The following EIF3CL variants were observed in gnomAD, a reference collection of about 807,000 sequenced individuals.
The protein encoded by EIF3CL is eukaryotic translation initiation factor 3 subunit C like.
For synonymous variants in EIF3CL, 2 were observed against 19.6 expected, an observed-to-expected ratio of 0.10 and a Z score of 2.37; for missense variants, 5 against 56.1, an observed-to-expected ratio of 0.09 and a Z score of 2.91.
chr16:28,415,074 A>G, the EIF3CL span: 1 of 349,446 alleles, frequency 2.9e-6, no homozygotes, highest in East Asian at 9.2e-5. Flanking sequence ...CCCTTTTCAG[A>G]AAACAAAAAT....
At chr16:28,416,521 G>A in the EIF3CL span, among the ~76,000 whole-genome samples, 80 of 20,976 alleles carry the variant, frequency 3.8e-3, 2 homozygotes, top group African/African-American at 0.015. Context: ...TGTGAGGAGC[G>A]CCTCTGCCCG....
intron 15 of EIF3CL, among the ~76,000 whole-genome samples, chr16:28,384,028 G>A (rs1368798731): frequency 1.1e-3 from 6 of 5,236 alleles, no homozygotes; most frequent in African/African-American, 2.2e-3. Flanking sequence ...AAAAATAAAC[G>A]CAGTGATCCT....
chr16:28,414,807 C>A, the EIF3CL span: 1 of 470,836 alleles, frequency 2.1e-6, no homozygotes, highest in South Asian at 1.6e-5. Context: ...CGAGTTCCCC[C>A]TGAGGAACTC....
chr16:28,422,843 AAAAAG>A, the EIF3CL span, among the ~76,000 whole-genome samples: 1 of 120,776 alleles, frequency 8.3e-6, no homozygotes, highest in Non-Finnish European at 1.8e-5. Context: ...TCTCAAACAA[AAAAAG>A]AAAAGAAAAG....
At chr16:28,417,376 G>C in the EIF3CL span, among the ~76,000 whole-genome samples, 4 of 135,840 alleles carry the variant, frequency 2.9e-5, no homozygotes, top group African/African-American at 8.2e-5. Flanking sequence ...GAATAGAAAG[G>C]CGGGAAAGGT....
At chr16:28,424,034 C>T in the EIF3CL span, among the ~76,000 whole-genome samples, 3 of 147,180 alleles carry the variant, frequency 2.0e-5, no homozygotes, top group East Asian at 4.2e-4. Context: ...GTTGCCCAGG[C>T]TGGAGTGCAG....
chr16:28,408,441 G>A (rs1168925076), upstream of EIF3CL, among the ~76,000 whole-genome samples: 44 of 13,148 alleles, frequency 3.3e-3, no homozygotes, highest in African/African-American at 0.011. Context: ...AGTTCATGTG[G>A]GCGTACGTAT....
the EIF3CL span, among the ~76,000 whole-genome samples, chr16:28,417,018 G>T: frequency 1.3e-5 from 1 of 78,634 alleles, no homozygotes; most frequent in Non-Finnish European, 2.7e-5. Flanking sequence ...GAGGTGGGGG[G>T]GGTCAGCCCC....
the EIF3CL span, among the ~76,000 whole-genome samples, chr16:28,416,766 GCC>G: frequency 1.9e-5 from 2 of 103,788 alleles, no homozygotes; most frequent in African/African-American, 3.5e-5. Flanking sequence ...GGGGGGGTCA[GCC>G]CCCCCACCCG....
the EIF3CL span, among the ~76,000 whole-genome samples, chr16:28,417,867 G>A: frequency 1.2e-4 from 13 of 112,904 alleles, no homozygotes; most frequent in Middle Eastern, 5.1e-3. Flanking sequence ...TGCACTTTAG[G>A]AATGCAAAAA....
the EIF3CL span, among the ~76,000 whole-genome samples, chr16:28,419,033 G>T: frequency 6.9e-6 from 1 of 144,556 alleles, no homozygotes; most frequent in Non-Finnish European, 1.5e-5. Flanking sequence ...TTGAGACAGA[G>T]TCTCCCTCTG....
chr16:28,383,991 C>A (rs920536632), intron 15 of EIF3CL, among the ~76,000 whole-genome samples: 1 of 3,964 alleles, frequency 2.5e-4, no homozygotes, highest in African/African-American at 4.2e-4. Context: ...ATGCAGGCAT[C>A]TGGGGAAAGA....
intron 2 of EIF3CL, among the ~76,000 whole-genome samples, chr16:28,402,539 CA>C (rs201314131): frequency 0.02 from 2,377 of 116,842 alleles, 525 homozygotes; most frequent in African/African-American, 0.073. Flanking sequence ...ATCAGCCTCC[CA>C]AAGTGCTGGG....
At chr16:28,415,766 G>A in the EIF3CL span, among the ~76,000 whole-genome samples, 2 of 136,328 alleles carry the variant, frequency 1.5e-5, 1 homozygote, top group Non-Finnish European at 3.1e-5. Flanking sequence ...AAAAAAGTTG[G>A]AGGATTCACA....
At chr16:28,425,040 C>CA in the EIF3CL span, among the ~76,000 whole-genome samples, 2 of 3,046 alleles carry the variant, frequency 6.6e-4, no homozygotes, top group African/African-American at 9.6e-4. Context: ...GTTCTTGGAA[C>CA]TTTTTTTTTT....
At chr16:28,422,783 G>A in the EIF3CL span, among the ~76,000 whole-genome samples, 1 of 131,118 alleles carries the variant, frequency 7.6e-6, no homozygotes, top group Admixed American at 8.1e-5. Context: ...ATTGCAGTGA[G>A]CTGAGATAGC....
the EIF3CL span, among the ~76,000 whole-genome samples, chr16:28,418,477 A>C: frequency 8.1e-6 from 1 of 123,794 alleles, no homozygotes; most frequent in Non-Finnish European, 1.7e-5. Context: ...ACATCATTGC[A>C]CCACACTAGG....
the EIF3CL span, among the ~76,000 whole-genome samples, chr16:28,411,084 T>C: frequency 6.6e-6 from 1 of 150,656 alleles, no homozygotes; most frequent in Admixed American, 6.7e-5. Context: ...GCTTTTGTTG[T>C]CCAGGCTGGA....
the EIF3CL span, among the ~76,000 whole-genome samples, chr16:28,416,902 C>T: frequency 2.2e-5 from 2 of 92,966 alleles, no homozygotes; most frequent in African/African-American, 4.0e-5. Context: ...TCAGCCCCCC[C>T]GCCCGGCCAG....
Sources: gnomAD v4.1 joint callset for allele counts (sites outside exome capture counted in the v4.1 genomes callset) on GRCh38, gnomAD v4.1.1 for gene constraint, MANE v1.5 for transcripts, NCBI Gene and HGNC (gene_info 2026-07-23, HGNC 2026-07-21) for gene names.